Variants in SH3BGRL observed in about 807,000 individuals in gnomAD.
SH3BGRL encodes SH3 domain binding glutamate rich protein like, also known as adapter SH3BGRL.
Under a neutral mutation model 9.8 loss-of-function variants are expected in SH3BGRL, and 7 were observed. The ratio of observed to expected loss-of-function variants is 0.72; its 90% confidence interval spans 0.41 to 1.35. The LOEUF is 1.35. SH3BGRL is among the 40% of genes most tolerant of loss of function. SH3BGRL has a pLI of 0.01. For synonymous variants in SH3BGRL, 36 were observed against 29.1 expected, an observed-to-expected ratio of 1.24 and a Z score of -0.76; for missense variants, 73 against 84.4, an observed-to-expected ratio of 0.86 and a Z score of 0.53.
At chrX:81,284,270 C>T (rs993655483) in intron 3 of SH3BGRL, among the ~76,000 whole-genome samples, 5 of 110,706 alleles carry the variant, frequency 4.5e-5, no homozygotes, top group Admixed American at 3.8e-4. Context: ...ATGCAATTCC[C>T]ATTAAAATAC....
intron 1 of SH3BGRL, among the ~76,000 whole-genome samples, chrX:81,218,562 A>G (rs914866841): frequency 6.5e-5 from 7 of 107,254 alleles, no homozygotes; most frequent in Non-Finnish European, 1.2e-4. Flanking sequence ...TACTGAGGTT[A>G]AAGATAGTAC....
intron 1 of SH3BGRL, among the ~76,000 whole-genome samples, chrX:81,216,249 A>G (rs981072785): frequency 2.7e-5 from 3 of 110,793 alleles, no homozygotes; most frequent in Non-Finnish European, 5.7e-5. Context: ...TCAGTATTCT[A>G]TATATCAATA....
chrX:81,229,760 C>T (rs758699734), intron 1 of SH3BGRL, among the ~76,000 whole-genome samples: 5 of 111,671 alleles, frequency 4.5e-5, no homozygotes, highest in East Asian at 2.8e-4. Context: ...CGCTTGTATG[C>T]GTGCCCAGTA....
At chrX:81,263,891 A>G (rs2075748444) in intron 1 of SH3BGRL, among the ~76,000 whole-genome samples, 1 of 109,461 alleles carries the variant, frequency 9.1e-6, no homozygotes, top group African/African-American at 3.3e-5. Context: ...TTGCCCACTC[A>G]AAACTATTAG....
intron 1 of SH3BGRL, among the ~76,000 whole-genome samples, chrX:81,242,747 C>A (rs779358695): frequency 3.6e-5 from 4 of 111,418 alleles, no homozygotes; most frequent in African/African-American, 6.5e-5. Flanking sequence ...ATAATCCAAT[C>A]AAAAAATGGG....
chrX:81,220,094 C>T (rs778880859), intron 1 of SH3BGRL, among the ~76,000 whole-genome samples: 29 of 110,896 alleles, frequency 2.6e-4, no homozygotes, highest in Non-Finnish European at 4.7e-4. Context: ...TTTGGTGTGT[C>T]TTTGTCCAGT....
chrX:81,260,040 T>TA (rs1050282258), intron 1 of SH3BGRL, among the ~76,000 whole-genome samples: 6 of 111,540 alleles, frequency 5.4e-5, no homozygotes, highest in Admixed American at 9.6e-5. Flanking sequence ...AATGATTACC[T>TA]AAAAAAACCT....
chrX:81,274,090 C>T (rs1274865370), intron 1 of SH3BGRL, among the ~76,000 whole-genome samples: 9 of 111,627 alleles, frequency 8.1e-5, no homozygotes, highest in Non-Finnish European at 1.9e-5. Context: ...TATCAATAGC[C>T]TTTTAACTCC....
At chrX:81,230,947 C>T (rs5913413) in intron 1 of SH3BGRL, among the ~76,000 whole-genome samples, 62,683 of 110,171 alleles carry the variant, frequency 0.57, 14,567 homozygotes, top group Non-Finnish European at 0.73. Context: ...TATTTGCCCC[C>T]AAATGAGATT....
chrX:81,245,121 T>C (rs140185376), intron 1 of SH3BGRL, among the ~76,000 whole-genome samples: 73 of 112,199 alleles, frequency 6.5e-4, no homozygotes, highest in Middle Eastern at 4.7e-3. Context: ...TTTACAGTGA[T>C]TAAAGCATCA....
intron 1 of SH3BGRL, among the ~76,000 whole-genome samples, chrX:81,236,487 T>A (rs2075648369): frequency 9.0e-6 from 1 of 111,436 alleles, no homozygotes; most frequent in South Asian, 3.8e-4. Context: ...GCAGTATGAG[T>A]AACACCTGCT....
intron 1 of SH3BGRL, among the ~76,000 whole-genome samples, chrX:81,206,084 T>C (rs1278002886): frequency 8.9e-6 from 1 of 112,025 alleles, no homozygotes; most frequent in Non-Finnish European, 1.9e-5. Context: ...GTTTCTTTTT[T>C]GCTACTGACT....
intron 1 of SH3BGRL, among the ~76,000 whole-genome samples, chrX:81,211,480 G>T (rs1288079075): frequency 2.7e-5 from 3 of 110,667 alleles, no homozygotes; most frequent in Non-Finnish European, 5.7e-5. Flanking sequence ...CCAGCTACTC[G>T]GGAGGCTGAG....
At chrX:81,226,160 A>T (rs1053395192) in intron 1 of SH3BGRL, among the ~76,000 whole-genome samples, 3 of 111,182 alleles carry the variant, frequency 2.7e-5, no homozygotes, top group African/African-American at 9.8e-5. Context: ...TTTAAATTTA[A>T]TTTAAAATTA....
rs1420098494 is a variant in SH3BGRL, at chrX:81,202,102, GC to G, written c.-97del. ...CTTCCACCTTCCCCCACCCTTCTCTGCCAACCGCTGTTTCAGCCCCTAGCTG... is the reference window on the plus strand; with the variant it reads ...CTTCCACCTTCCCCCACCCTTCTCTGCAACCGCTGTTTCAGCCCCTAGCTG... On this transcript the variant is annotated 5_prime_UTR_variant, in exon 1 of 4. Transcript: ENST00000373212. 10 of 865,411 alleles carry G rather than the reference GC, an allele frequency of 1.2e-5. No homozygotes were observed. The highest frequency in any genetic ancestry group is 1.5e-5 in the Non-Finnish European group (9 of 600,203). 71.3% of individuals were successfully genotyped at this position (865,411 alleles called of 1,213,427 possible). A position where few individuals can be genotyped will look rare whatever the true frequency, so the allele number is the denominator to read the frequency against.
intron 1 of SH3BGRL, among the ~76,000 whole-genome samples, chrX:81,240,890 G>A (rs1042207266): frequency 1.8e-5 from 2 of 112,812 alleles, no homozygotes; most frequent in Non-Finnish European, 3.8e-5. Flanking sequence ...GCCAGTGGGG[G>A]CTGGTAACAA....
At chrX:81,242,878 A>T (rs1429628353) in intron 1 of SH3BGRL, among the ~76,000 whole-genome samples, 2 of 112,101 alleles carry the variant, frequency 1.8e-5, no homozygotes, top group African/African-American at 6.5e-5. Flanking sequence ...CTAGAAAGAC[A>T]GGCAATAGAA....
At chrX:81,252,382 A>AC (rs1401959026) in intron 1 of SH3BGRL, among the ~76,000 whole-genome samples, 1 of 112,137 alleles carries the variant, frequency 8.9e-6, no homozygotes, top group Non-Finnish European at 1.9e-5. Context: ...ACTAAGTGAT[A>AC]CTTTAGAATA....
chrX:81,235,549 A>G (rs891888703), intron 1 of SH3BGRL, among the ~76,000 whole-genome samples: 1 of 111,284 alleles, frequency 9.0e-6, no homozygotes, highest in Non-Finnish European at 1.9e-5. Context: ...GATATGATAT[A>G]TAGACTACCC....
Sources: gnomAD v4.1 joint callset for allele counts (sites outside exome capture counted in the v4.1 genomes callset) on GRCh38, gnomAD v4.1.1 for gene constraint, MANE v1.5 for transcripts, NCBI Gene and HGNC (gene_info 2026-07-23, HGNC 2026-07-21) for gene names.